Variants in VWA7 observed in about 807,000 individuals in gnomAD.
The protein encoded by VWA7 is von Willebrand factor A domain containing 7.
In VWA7, 66 loss-of-function variants were observed where a neutral mutation model predicts 83.1. That is an observed-to-expected ratio of 0.79 (90% CI 0.65 to 0.98). The LOEUF is 0.98. Among genes scored for constraint, VWA7 ranks in the 50% least tolerant of loss-of-function variants. VWA7 has a pLI of 0.00. For synonymous variants in VWA7, 424 were observed against 488.5 expected (o/e 0.87, Z 1.74); for missense variants, 1,080 against 1,160.2 (o/e 0.93, Z 1.00).
chr6:31,776,265 G>A lies in VWA7; in HGVS notation c.235-23C>T. The A allele has an allele frequency of 6.2e-7, 1 of 1,601,282 alleles. No individual in the cohort carries two copies. Among genetic ancestry groups the A allele is most frequent in the Non-Finnish European group, 8.5e-7 (1 of 1,172,652 alleles). ...ACCCTGGGGAGAATAGCGGGCGACG[G>A]GGCTCCAGGGAGGCCCTTTGGATTG... On this transcript the variant is annotated intron_variant, in intron 2 of 16. Coordinates refer to ENST00000375688, the MANE Select transcript of VWA7 (RefSeq NM_025258.3). The surrounding 1 kb of genome is among the most constrained non-coding windows in gnomAD (Gnocchi z 6.2).
At position 31,766,517 on chromosome 6, in the gene VWA7, C is replaced by A; in HGVS notation, c.2130G>T (p.Arg710=). The A allele has an allele frequency of 6.2e-7, 1 of 1,608,066 alleles. No homozygotes were observed. Among genetic ancestry groups the A allele is most frequent in the Non-Finnish European group, 8.5e-7 (1 of 1,176,786 alleles). The change falls in exon 14 of 17, where the codon CGG becomes CGT. Residue 710 remains arginine (R), a synonymous_variant. Transcript: ENST00000375688. This position sits in a 1 kb window ranked among gnomAD's most constrained non-coding sequence, Gnocchi z 4.9. ...LELIGQDAAG[R]RLHRAAPQPS... is the part of the protein sequence containing the mutation. ...GCTGAGGGGCAGCCCTGTGCAGGCG[C>A]CGCCCCGCTGCGTCCTGGCCAATCA...
chr6:31,768,987 T>C (rs1198342729), intron 10 of VWA7, 31 bp downstream of exon 10: 1 of 1,587,536 alleles, frequency 6.3e-7, no homozygotes, highest in Non-Finnish European at 8.6e-7. Context: ...CACCCTTCAG[T>C]TCCTAAGTGA....
chr6:31,773,464 G>A lies in VWA7; in HGVS notation c.722-27C>T. 12 of 1,532,488 alleles carry A rather than the reference G, an allele frequency of 7.8e-6. No individual in the cohort carries two copies. Among genetic ancestry groups the A allele is most frequent in the Non-Finnish European group, 1.1e-5 (12 of 1,139,410 alleles). The allele number at this position is 1,532,488 out of a possible 1,614,324, so 94.9% of individuals were successfully genotyped here. ...TGGGTTGGGGAAAGGGATCTGGAGA[G>A]TGGAGGTCAAAAACCCACTGCCTCC... On this transcript the variant is annotated intron_variant, in intron 5 of 16. Transcript: ENST00000375688. The surrounding 1 kb of genome is among the most constrained non-coding windows in gnomAD (Gnocchi z 5.3).
At position 31,776,834 on chromosome 6, in the gene VWA7, G is replaced by T; in HGVS notation, c.-15-40C>A. 3.4e-6 allele frequency: 4 copies of T among 1,191,216 alleles called. No individual in the cohort carries two copies. Among genetic ancestry groups the T allele is most frequent in the Non-Finnish European group, 4.5e-6 (4 of 893,842 alleles). 73.8% of individuals were successfully genotyped at this position (1,191,216 alleles called of 1,614,324 possible). A position where few individuals can be genotyped will look rare whatever the true frequency, so the allele number is the denominator to read the frequency against. Reference sequence around the variant, plus strand: ...GCTCTCAAGGGAGGAGGAAGCAGCCGCGATTCCAGGGCAGGCCGGCTCTGC... The same window carrying T: ...GCTCTCAAGGGAGGAGGAAGCAGCCTCGATTCCAGGGCAGGCCGGCTCTGC... On this transcript the variant is annotated intron_variant, in intron 1 of 16. Transcript: ENST00000375688. This position sits in a 1 kb window ranked among gnomAD's most constrained non-coding sequence, Gnocchi z 6.2.
rs892910509 is a variant in VWA7 at position 31,769,759 on chromosome 6, A to G, written c.1233T>C (p.Asp411=). 4 of 1,613,134 alleles carry G rather than the reference A, an allele frequency of 2.5e-6. No homozygotes were observed. The highest frequency in any genetic ancestry group is 2.2e-5 in the East Asian group (1 of 44,888). ...GGGAGGCATCCGTGAAGACAAAGAT[A>G]TCTGAGAGTGGAGGTGTGTGCAGCA... ...LALLHTPPLS[D]IFVFTDASPK... is the part of the protein sequence containing the mutation. The change falls in exon 9 of 17, where the codon GAT becomes GAC. Residue 411 remains aspartate, a synonymous_variant. Transcript: ENST00000375688. This position sits in a 1 kb window ranked among gnomAD's most constrained non-coding sequence, Gnocchi z 4.5.
chr6:31,774,718 C>G (rs1345496727), intron 4 of VWA7, 92 bp from the exon 5 acceptor site: 1 of 1,097,216 alleles, frequency 9.1e-7, no homozygotes, highest in Non-Finnish European at 1.3e-6. Context: ...CTCCTCCCAG[C>G]TGGGATGAGG....
At chr6:31,774,960 G>A (rs1299395866) in intron 4 of VWA7, among the ~76,000 whole-genome samples, 3 of 152,004 alleles carry the variant, frequency 2.0e-5, no homozygotes, top group African/African-American at 7.2e-5. Context: ...TAAATAATAA[G>A]AAAAAAACAA....
intron 4 of VWA7, 35 bp from the exon 5 acceptor site, chr6:31,774,661 C>A: frequency 6.4e-7 from 1 of 1,571,728 alleles, no homozygotes; most frequent in Non-Finnish European, 8.7e-7. Context: ...ACCCAAGATT[C>A]TGCCACCCCC....
At chr6:31,771,310 T>C (rs1812159052) in intron 7 of VWA7, 1 of 152,194 alleles carries the variant, frequency 6.6e-6, no homozygotes, top group Non-Finnish European at 1.5e-5. Context: ...TCATTTCAAC[T>C]CTGGGAGTTA....
chr6:31,769,581 A>G lies in VWA7; in HGVS notation c.1317+94T>C. ...ATATACCAAGGCTTGTTGGGCCACC[A>G]TAGTGTGGTGCAACCCTCGTTATGA... On this transcript the variant is annotated intron_variant, in intron 9 of 16. Coordinates refer to ENST00000375688, the MANE Select transcript of VWA7 (RefSeq NM_025258.3). This position sits in a 1 kb window ranked among gnomAD's most constrained non-coding sequence, Gnocchi z 4.5. The G allele has an allele frequency of 1.7e-6, 2 of 1,183,038 alleles. No individual in the cohort carries two copies. Among genetic ancestry groups the G allele is most frequent in the African/African-American group, 1.5e-5 (1 of 66,802 alleles). 73.3% of individuals were successfully genotyped at this position (1,183,038 alleles called of 1,614,324 possible).
chr6:31,776,641 C>A lies in VWA7; in HGVS notation c.139G>T (p.Asp47Tyr). The change falls in exon 2 of 17, where the codon GAC (aspartate) becomes TAC (tyrosine). Residue 47 changes from aspartate to tyrosine, a missense_variant. Coordinates refer to ENST00000375688, the MANE Select transcript of VWA7 (RefSeq NM_025258.3). The surrounding 1 kb of genome is among the most constrained non-coding windows in gnomAD (Gnocchi z 6.2). ...TTGAGCGCTGCCTCCTCAGTTAGGTCTTGGTGGGTGATGGAGCCAGGGGCA... is the reference window on the plus strand; with the variant it reads ...TTGAGCGCTGCCTCCTCAGTTAGGTATTGGTGGGTGATGGAGCCAGGGGCA... Reference protein sequence around the residue: ...LAAPGSITHQDLTEEAALNVT... With the variant: ...LAAPGSITHQYLTEEAALNVT... The A allele has an allele frequency of 6.5e-7, 1 of 1,548,134 alleles. No individual in the cohort carries two copies. Among genetic ancestry groups the A allele is most frequent in the East Asian group, 2.4e-5 (1 of 40,886 alleles).
chr6:31,775,226 G>C lies in VWA7; in HGVS notation c.610+107C>G. ...ACTGGGGGACCTCAGTCCTTGTGGAGATTAAGTAACATCATACCCTCTGGG... is the reference window on the plus strand; with the variant it reads ...ACTGGGGGACCTCAGTCCTTGTGGACATTAAGTAACATCATACCCTCTGGG... On this transcript the variant is annotated intron_variant, in intron 4 of 16. Transcript: ENST00000375688. This position sits in a 1 kb window ranked among gnomAD's most constrained non-coding sequence, Gnocchi z 5.9. The C allele has an allele frequency of 1.0e-6, 1 of 986,306 alleles. No homozygotes were observed. Among genetic ancestry groups the C allele is most frequent in the Non-Finnish European group, 1.5e-6 (1 of 683,486 alleles). The allele number at this position is 986,306 out of a possible 1,614,324, so 61.1% of individuals were successfully genotyped here. A position where few individuals can be genotyped will look rare whatever the true frequency, so the allele number is the denominator to read the frequency against.
intron 7 of VWA7, among the ~76,000 whole-genome samples, chr6:31,772,176 C>A (rs1365005049): frequency 1.3e-5 from 2 of 150,902 alleles, no homozygotes; most frequent in Non-Finnish European, 3.0e-5. Context: ...GGTCTCACTG[C>A]GTCACCCAGG....
rs143029752 is a variant in VWA7 at position 31,771,721 on chromosome 6, G to C, written c.1087+1233C>G. ...AGAATTGAAAATGGCGGCCGGGCAC[G>C]GTGGCTCACACCTGTAATCCCAGCA... is the stretch of plus-strand genomic sequence containing the variant. On this transcript the variant is annotated intron_variant, in intron 7 of 16. Transcript: ENST00000375688. 4.7e-3 allele frequency: 710 copies of C among 152,304 alleles called. 11 individuals are homozygous for C. Among genetic ancestry groups the C allele is most frequent in the South Asian group, 0.041 (198 of 4,828 alleles). The allele number at this position is 152,304 out of a possible 1,614,324, so 9.4% of individuals were successfully genotyped here. A position where few individuals can be genotyped will look rare whatever the true frequency, so the allele number is the denominator to read the frequency against.
At chr6:31,765,807 G>C (rs763103392) in intron 16 of VWA7, 37 bp from the exon 17 acceptor site, 3 of 1,593,242 alleles carry the variant, frequency 1.9e-6, no homozygotes, top group Non-Finnish European at 2.6e-6. Context: ...GGGTGTGCTA[G>C]AGCTGTACTC....
intron 10 of VWA7, 104 bp from the exon 11 acceptor site, chr6:31,767,858 C>T (rs986559531): frequency 2.2e-5 from 31 of 1,379,470 alleles, no homozygotes; most frequent in Non-Finnish European, 3.0e-5. Flanking sequence ...TTGGGCCGGG[C>T]GCAGTTGGTC....
rs767342931 is a variant in VWA7 at position 31,766,805 on chromosome 6, G to A, written c.1883-41C>T. ...GGAGGGGAGAACATTGTGAGATTCG[G>A]AGACACAGGGAGAAAAGAATTAATG... On this transcript the variant is annotated intron_variant, in intron 13 of 16. Coordinates refer to ENST00000375688, the MANE Select transcript of VWA7 (RefSeq NM_025258.3). This position sits in a 1 kb window ranked among gnomAD's most constrained non-coding sequence, Gnocchi z 4.9. 6.4e-6 allele frequency: 10 copies of A among 1,554,254 alleles called. No homozygotes were observed. The South Asian group carries it at 1.2e-4, about 19-fold the overall frequency.
In VWA7 at chr6:31,776,954, T is replaced by C; in HGVS notation, c.-16+155A>G. 2.1e-6 allele frequency: 1 copy of C among 466,656 alleles called. No individual in the cohort carries two copies. Among genetic ancestry groups the C allele is most frequent in the Non-Finnish European group, 3.8e-6 (1 of 265,668 alleles). 28.9% of individuals were successfully genotyped at this position (466,656 alleles called of 1,614,324 possible). On this transcript the variant is annotated intron_variant, in intron 1 of 16. Transcript: ENST00000375688. This position sits in a 1 kb window ranked among gnomAD's most constrained non-coding sequence, Gnocchi z 6.2. Reference sequence around the variant, plus strand: ...CTGTCACCCAGACAACCTGAGGGCCTCATCGGACCATTAGGGACATACACA... The same window carrying C: ...CTGTCACCCAGACAACCTGAGGGCCCCATCGGACCATTAGGGACATACACA...
Position 31,765,914 on chromosome 6 carries a change from A to G in VWA7, c.2468T>C (p.Leu823Pro). The part of the protein sequence containing the change: ...ANPVPPTHAF[L>P]RLLVSAPAPQ... ...GGCTGGGGCCGATACCAGGAGCCGGAGGAAAGCATGAGTCGGGGGTACTGG... is the reference window on the plus strand; with the variant it reads ...GGCTGGGGCCGATACCAGGAGCCGGGGGAAAGCATGAGTCGGGGGTACTGG... The change falls in exon 16 of 17, where the codon CTC becomes CCC. Residue 823 changes from leucine (L) to proline (P), a missense_variant. Transcript: ENST00000375688. 1.9e-6 allele frequency: 3 copies of G among 1,613,122 alleles called. No homozygotes were observed. The highest frequency in any genetic ancestry group is 2.5e-6 in the Non-Finnish European group (3 of 1,180,026).
Sources: allele counts gnomAD v4.1 joint callset (sites outside exome capture counted in the v4.1 genomes callset), GRCh38; gene constraint gnomAD v4.1.1; non-coding constraint Gnocchi (gnomAD v3.1); transcripts MANE v1.5; gene names NCBI Gene and HGNC (gene_info 2026-07-23, HGNC 2026-07-21).